Variants in MGAT5B observed in about 807,000 individuals in gnomAD.
MGAT5B encodes the protein alpha-1,6-mannosylglycoprotein 6-beta-N-acetylglucosaminyltransferase B.
In MGAT5B, 54 loss-of-function variants were observed where a neutral mutation model predicts 95.1. The observed-to-expected ratio is 0.57, with a 90% confidence interval of 0.46 to 0.71. The LOEUF (loss-of-function observed/expected upper bound fraction) is 0.71, where lower values mean the gene tolerates loss of function less well. MGAT5B is among the 30% of genes least tolerant of loss of function. MGAT5B has a pLI of 0.00. For synonymous variants in MGAT5B, 464 were observed against 451.0 expected (o/e 1.03, Z -0.36); for missense variants, 935 against 1,088.6 (o/e 0.86, Z 1.99).
At chr17:76,913,868 T>C (rs1219361206) in intron 8 of MGAT5B, 1 of 445,350 alleles carries the variant, frequency 2.2e-6, no homozygotes, top group Admixed American at 2.4e-5. Context: ...CCCAGCACTT[T>C]GGGAGGTCAC....
chr17:76,898,332 A>ATT (rs1056312668), intron 3 of MGAT5B, among the ~76,000 whole-genome samples: 3 of 65,108 alleles, frequency 4.6e-5, no homozygotes, highest in Non-Finnish European at 6.1e-5. Context: ...TAATCTTTTT[A>ATT]TTTTTTTTTT....
At chr17:76,901,984 G>A (rs1244655518) in intron 3 of MGAT5B, among the ~76,000 whole-genome samples, 3 of 152,242 alleles carry the variant, frequency 2.0e-5, no homozygotes, top group East Asian at 1.9e-4. Flanking sequence ...ATGGGCACAC[G>A]TGCCATTGTG....
At chr17:76,874,636 G>C (rs1441873728) in intron 2 of MGAT5B, among the ~76,000 whole-genome samples, 1 of 152,142 alleles carries the variant, frequency 6.6e-6, no homozygotes, top group Non-Finnish European at 1.5e-5. Flanking sequence ...AGGGATGGGG[G>C]AGAGGAGGGG....
At chr17:76,931,189 C>G (rs980997243) in intron 10 of MGAT5B, among the ~76,000 whole-genome samples, 42 of 152,174 alleles carry the variant, frequency 2.8e-4, no homozygotes, top group African/African-American at 8.7e-4. Flanking sequence ...CTCCGCCTCC[C>G]AAGTTCAAGT....
chr17:76,907,196 C>G (rs523640), intron 8 of MGAT5B, among the ~76,000 whole-genome samples: 20,369 of 151,842 alleles, frequency 0.13, 1,769 homozygotes, highest in African/African-American at 0.22. Flanking sequence ...GATTACAGGC[C>G]CACGCCGCCA....
chr17:76,921,202 G>C (rs1462354274), intron 8 of MGAT5B, among the ~76,000 whole-genome samples: 1 of 152,184 alleles, frequency 6.6e-6, no homozygotes, highest in Non-Finnish European at 1.5e-5. Flanking sequence ...GAGAACCTTG[G>C]TAGGATCAGA....
In MGAT5B at chr17:76,946,329, C is replaced by A. The variant is rs370699992; in HGVS notation, c.1849-47C>A. 5 of 1,529,022 alleles carry A rather than the reference C, an allele frequency of 3.3e-6. No individual in the cohort carries two copies. In the East Asian group the frequency reaches 7.2e-5, roughly 22 times the overall value. 94.7% of individuals were successfully genotyped at this position (1,529,022 alleles called of 1,614,324 possible). ...ATGCCGAGCATGGCAGGGCCCCCGA[C>A]GGCTGGGCCTTCTCCCGCCCCATGT... On this transcript the variant is annotated intron_variant, in intron 15 of 17. Coordinates refer to ENST00000569840, the MANE Select transcript of MGAT5B (RefSeq NM_001199172.2).
Position 76,926,670 on chromosome 17 carries a change from G to C in MGAT5B, c.1231G>C (p.Gly411Arg). The change falls in exon 10 of 18, where the codon GGC becomes CGC. Residue 411 changes from glycine (G) to arginine (R), a missense_variant. By Grantham distance (125) the Gly-to-Arg change is moderately radical. Around this residue, in one of 4 missense-constraint regions of MGAT5B, gnomAD observed 440 missense variants for 523.6 expected, o/e 0.84. Coordinates refer to ENST00000569840, the MANE Select transcript of MGAT5B (RefSeq NM_001199172.2). ...CCACGAGGAGTACGCCACGCTGCAC[G>C]GCTACCGGACCAACTGGGGCTACTG... ...YNHEEYATLHGYRTNWGYWNL... is the reference protein window; with the variant it reads ...YNHEEYATLHRYRTNWGYWNL... 6.2e-7 allele frequency: 1 copy of C among 1,612,726 alleles called. No individual in the cohort carries two copies. Among genetic ancestry groups the C allele is most frequent in the Non-Finnish European group, 8.5e-7 (1 of 1,179,930 alleles).
At chr17:76,942,008 C>T (rs1276473922) in intron 15 of MGAT5B, among the ~76,000 whole-genome samples, 1 of 152,126 alleles carries the variant, frequency 6.6e-6, no homozygotes, top group African/African-American at 2.4e-5. Flanking sequence ...CAGATGGGCT[C>T]GGCAGGCCAG....
chr17:76,944,021 A>G (rs11871532), intron 15 of MGAT5B: 79,598 of 152,030 alleles, frequency 0.52, 21,255 homozygotes, highest in East Asian at 0.6. Flanking sequence ...GCCTGTGGAC[A>G]TCTCTGTGTC....
rs199775293 is a variant in MGAT5B at position 76,946,409 on chromosome 17, G to A, written c.1882G>A (p.Glu628Lys). ...DPYLPYEYTC[E>K]GMLERIHAYI... ...CTACCTACCCTACGAGTACACCTGC[G>A]AGGGGATGCTGGAGCGGATCCACGC... Residue 628 changes from glutamate (E) to lysine (K), a missense_variant, in exon 16 of 18, where the codon GAG becomes AAG. By Grantham distance (56) the Glu-to-Lys change is moderately conservative. This residue lies in a region of MGAT5B where 440 missense variants were observed against 523.6 expected (regional missense o/e 0.84). Transcript: ENST00000569840. The A allele has an allele frequency of 1.1e-5, 18 of 1,606,722 alleles. No homozygotes were observed. The highest frequency in any genetic ancestry group is 4.0e-5 in the African/African-American group (3 of 74,612).
At chr17:76,883,555 C>T (rs516898) in intron 3 of MGAT5B, among the ~76,000 whole-genome samples, 1 of 151,960 alleles carries the variant, frequency 6.6e-6, no homozygotes, top group African/African-American at 2.4e-5. Context: ...AACAGGAGTG[C>T]GGGAGGTCAG....
chr17:76,869,241 TG>T lies in MGAT5B; in HGVS notation c.68+149del. On this transcript the variant is annotated intron_variant, in intron 1 of 17. Transcript: ENST00000569840. This position sits in a 1 kb window ranked among gnomAD's most constrained non-coding sequence, Gnocchi z 7.0. ...CTGGTGATGACCAGTGGGGCTGGGC[TG>T]GGGGAACGGATGGCGTTGGGGTTCG... 2 of 580,236 alleles carry T rather than the reference TG, an allele frequency of 3.4e-6. No individual in the cohort carries two copies. Among genetic ancestry groups the T allele is most frequent in the East Asian group, 3.6e-5 (1 of 27,404 alleles). 35.9% of individuals were successfully genotyped at this position (580,236 alleles called of 1,614,324 possible).
intron 10 of MGAT5B, among the ~76,000 whole-genome samples, 156 bp from the exon 11 acceptor site, chr17:76,932,489 C>T (rs1567820934): frequency 6.6e-6 from 1 of 151,988 alleles, no homozygotes; most frequent in Admixed American, 6.6e-5. Flanking sequence ...GGTCACAGGC[C>T]GGGGCACTGA....
chr17:76,932,788 C>G lies in MGAT5B; in HGVS notation c.1422+13C>G. Reference sequence around the variant, plus strand: ...GAGCATCTGGAAGGTGAGCGCGGCCCCTGCGCGCGGGAAGCACCAGCCTGC... The same window carrying G: ...GAGCATCTGGAAGGTGAGCGCGGCCGCTGCGCGCGGGAAGCACCAGCCTGC... On this transcript the variant is annotated intron_variant, in intron 11 of 17. Transcript: ENST00000569840. 1 of 1,612,768 alleles carries G rather than the reference C, an allele frequency of 6.2e-7. No individual in the cohort carries two copies. Among genetic ancestry groups the G allele is most frequent in the Non-Finnish European group, 8.5e-7 (1 of 1,179,600 alleles).
At chr17:76,897,660 A>ACCCT (rs1385091778) in intron 3 of MGAT5B, among the ~76,000 whole-genome samples, 1 of 69,386 alleles carries the variant, frequency 1.4e-5, no homozygotes. Flanking sequence ...AAGTAAGGCC[A>ACCCT]CTTTCTTTCT....
At position 76,940,059 on chromosome 17, in the gene MGAT5B, T is replaced by C. The variant is rs1969812995; in HGVS notation, c.1585-343T>C. Among the ~76,000 whole-genome samples, 1 of 152,172 alleles carries C rather than the reference T, an allele frequency of 6.6e-6. No individual in the cohort carries two copies. Among genetic ancestry groups the C allele is most frequent in the Non-Finnish European group, 1.5e-5 (1 of 68,032 alleles). ...TGCAGGTGCGGGCCTGCAGCTTTCTTGGCCTGAAACCCTTGTTCTTTTCTT... is the reference window on the plus strand; with the variant it reads ...TGCAGGTGCGGGCCTGCAGCTTTCTCGGCCTGAAACCCTTGTTCTTTTCTT... On this transcript the variant is annotated intron_variant, in intron 13 of 17. Coordinates refer to ENST00000569840, the MANE Select transcript of MGAT5B (RefSeq NM_001199172.2). This position sits in a 1 kb window ranked among gnomAD's most constrained non-coding sequence, Gnocchi z 4.3.
intron 8 of MGAT5B, among the ~76,000 whole-genome samples, chr17:76,909,422 A>G (rs1474633738): frequency 1.3e-5 from 2 of 152,192 alleles, no homozygotes; most frequent in Non-Finnish European, 2.9e-5. Flanking sequence ...CATGTGAATC[A>G]GCTTTTCTTC....
intron 8 of MGAT5B, among the ~76,000 whole-genome samples, chr17:76,908,065 T>C (rs1394463094): frequency 6.6e-6 from 1 of 152,196 alleles, no homozygotes; most frequent in Non-Finnish European, 1.5e-5. Context: ...GGATATAAAT[T>C]CTGTGGAAGT....
Sources: gnomAD v4.1 joint callset for allele counts (sites outside exome capture counted in the v4.1 genomes callset) on GRCh38, gnomAD v4.1.1 for gene constraint, gnomAD v4.1.1 regional missense constraint, Gnocchi (gnomAD v3.1) non-coding constraint, MANE v1.5 for transcripts, NCBI Gene and HGNC (gene_info 2026-07-23, HGNC 2026-07-21) for gene names.